Variants in GPC5 observed in about 807,000 individuals in gnomAD.
GPC5 encodes glypican 5.
Under a neutral mutation model 53.9 loss-of-function variants are expected in GPC5, and 47 were observed. The observed-to-expected ratio is 0.87, with a 90% CI of 0.69 to 1.11. The LOEUF is 1.11. Ranked by LOEUF, GPC5 falls within the 50% of genes most tolerant of loss-of-function variation. The probability of loss-of-function intolerance (pLI) is 0.00; values close to 1 mark genes in which losing one functional copy is unlikely to be tolerated. For missense variants in GPC5, 748 were observed against 713.1 expected (o/e 1.05, Z -0.56); for synonymous variants, 286 against 263.3 (o/e 1.09, Z -0.84).
chr13:91,561,560 A>G (rs1363307713), intron 2 of GPC5, among the ~76,000 whole-genome samples: 1 of 151,746 alleles, frequency 6.6e-6, no homozygotes, highest in Non-Finnish European at 1.5e-5. Context: ...GTTTTTCCAG[A>G]TGTATTATTT....
chr13:92,658,002 A>G (rs1886198964), intron 7 of GPC5, among the ~76,000 whole-genome samples: 1 of 152,086 alleles, frequency 6.6e-6, no homozygotes, highest in Non-Finnish European at 1.5e-5. Context: ...CTCTAAAACT[A>G]CCTATTATCA....
chr13:92,125,195 G>A (rs1594773157), intron 6 of GPC5, among the ~76,000 whole-genome samples: 2 of 152,164 alleles, frequency 1.3e-5, no homozygotes, highest in African/African-American at 4.8e-5. Context: ...CAACAACTGT[G>A]TGAGTGAATT....
chr13:92,471,519 C>T (rs1344521720), intron 7 of GPC5, among the ~76,000 whole-genome samples: 1 of 135,812 alleles, frequency 7.4e-6, no homozygotes, highest in Non-Finnish European at 1.5e-5. Flanking sequence ...CCTTTTATTG[C>T]ATTTATAATA....
At chr13:92,607,971 C>G (rs1884309778) in intron 7 of GPC5, among the ~76,000 whole-genome samples, 1 of 152,178 alleles carries the variant, frequency 6.6e-6, no homozygotes, top group Non-Finnish European at 1.5e-5. Context: ...ACCTTTATAA[C>G]TATCTACTTC....
chr13:91,962,832 A>G (rs755020261), intron 6 of GPC5, among the ~76,000 whole-genome samples: 31 of 152,214 alleles, frequency 2.0e-4, no homozygotes, highest in South Asian at 1.0e-3. Flanking sequence ...TAGAGGTCAT[A>G]TAATAGTGGC....
At chr13:92,704,862 G>A (rs1230843243) in intron 7 of GPC5, among the ~76,000 whole-genome samples, 4 of 98,120 alleles carry the variant, frequency 4.1e-5, no homozygotes, top group Non-Finnish European at 8.5e-5. Flanking sequence ...AAATATATGA[G>A]TGTATATATA....
chr13:91,789,381 A>G (rs1373473822), intron 5 of GPC5, among the ~76,000 whole-genome samples: 2 of 152,236 alleles, frequency 1.3e-5, no homozygotes, highest in Non-Finnish European at 2.9e-5. Flanking sequence ...TTAAAAAATA[A>G]TATTGGTATG....
At chr13:92,668,764 T>C (rs1414500853) in intron 7 of GPC5, among the ~76,000 whole-genome samples, 1 of 152,102 alleles carries the variant, frequency 6.6e-6, no homozygotes, top group Non-Finnish European at 1.5e-5. Context: ...ATTTTTTACA[T>C]TTTAAATAAT....
chr13:91,755,990 AC>A (rs2037281636), intron 4 of GPC5, among the ~76,000 whole-genome samples: 1 of 151,390 alleles, frequency 6.6e-6, no homozygotes, highest in South Asian at 2.1e-4. Context: ...ACTATTCCCA[AC>A]TTCTTGCATG....
At chr13:91,969,061 C>T (rs535803028) in intron 6 of GPC5, among the ~76,000 whole-genome samples, 1 of 151,640 alleles carries the variant, frequency 6.6e-6, no homozygotes, top group South Asian at 2.1e-4. Context: ...CTCCGCCTCC[C>T]AGGTTCAAGC....
At chr13:92,374,705 G>T (rs2043678619) in intron 7 of GPC5, among the ~76,000 whole-genome samples, 1 of 144,632 alleles carries the variant, frequency 6.9e-6, no homozygotes, top group Non-Finnish European at 1.5e-5. Flanking sequence ...GACTGTGGTG[G>T]GGTTGGGGGA....
intron 1 of GPC5, among the ~76,000 whole-genome samples, chr13:91,421,304 C>T (rs1017396136): frequency 1.1e-4 from 17 of 152,118 alleles, no homozygotes; most frequent in Admixed American, 3.3e-4. Context: ...ATGTGATGGT[C>T]TCTTTTAACA....
chr13:92,647,180 C>T (rs1486084647), intron 7 of GPC5, among the ~76,000 whole-genome samples: 3 of 152,088 alleles, frequency 2.0e-5, no homozygotes, highest in African/African-American at 7.2e-5. Flanking sequence ...GAACAGACAT[C>T]CTTACCTTGT....
chr13:92,150,777 T>C (rs2041901382), intron 7 of GPC5, among the ~76,000 whole-genome samples: 1 of 151,994 alleles, frequency 6.6e-6, no homozygotes, highest in African/African-American at 2.4e-5. Context: ...CACTCAGCTG[T>C]TCTGTAATAT....
intron 7 of GPC5, among the ~76,000 whole-genome samples, chr13:92,473,134 A>C (rs566367369): frequency 6.6e-6 from 1 of 152,144 alleles, no homozygotes. Flanking sequence ...AACAGCACAA[A>C]CCACATATTT....
chr13:91,604,438 C>G (rs1359439727), intron 2 of GPC5, among the ~76,000 whole-genome samples: 1 of 151,734 alleles, frequency 6.6e-6, no homozygotes, highest in East Asian at 1.9e-4. Context: ...TTTATAGCAG[C>G]ATGATTTATA....
intron 5 of GPC5, among the ~76,000 whole-genome samples, chr13:91,899,799 G>T (rs2039478831): frequency 6.6e-6 from 1 of 152,120 alleles, no homozygotes; most frequent in Non-Finnish European, 1.5e-5. Context: ...GGATTGCCAG[G>T]AGCAAGGGAG....
intron 7 of GPC5, among the ~76,000 whole-genome samples, chr13:92,264,358 T>A (rs192890631): frequency 1.6e-4 from 25 of 152,270 alleles, no homozygotes; most frequent in African/African-American, 5.5e-4. Context: ...AAATAGTTAC[T>A]GGAAATAGGC....
chr13:91,407,173 A>G (rs1877386072), intron 1 of GPC5, among the ~76,000 whole-genome samples: 1 of 152,188 alleles, frequency 6.6e-6, no homozygotes, highest in Admixed American at 6.5e-5. Context: ...AGAAATATAG[A>G]GAGTGAAGTT....
Sources: gnomAD v4.1 joint callset for allele counts (sites outside exome capture counted in the v4.1 genomes callset) on GRCh38, gnomAD v4.1.1 for gene constraint, MANE v1.5 for transcripts, NCBI Gene and HGNC (gene_info 2026-07-23, HGNC 2026-07-21) for gene names.